ARHGAP12: variants seen among roughly 807,000 people sequenced by gnomAD.
The protein encoded by ARHGAP12 is Rho GTPase activating protein 12, also known as rho GTPase-activating protein 12.
ARHGAP12 carries 64 observed loss-of-function variants against 108.6 expected under a neutral mutation model. The observed-to-expected ratio is 0.59, with a 90% CI of 0.48 to 0.73. The LOEUF is 0.73. Ranked by LOEUF, ARHGAP12 falls within the 30% of genes least tolerant of loss-of-function variation. The pLI is 0.00. For synonymous variants in ARHGAP12, 312 were observed against 337.2 expected, an observed-to-expected ratio of 0.93 and a Z score of 0.82; for missense variants, 940 against 1,005.9, an observed-to-expected ratio of 0.93 and a Z score of 0.89.
rs767732070 is a variant in ARHGAP12, at chr10:31,826,276, A to T, written c.1530+28T>A. ...TACTATTCACATAATTTAAATGTAT[A>T]AAATCTCCAAAGAGAAGAAATACTT... On this transcript the variant is annotated intron_variant, in intron 11 of 19. Transcript: ENST00000344936. 6 of 1,558,276 alleles carry T rather than the reference A, an allele frequency of 3.9e-6. No homozygotes were observed. In the Admixed American group the frequency reaches 7.1e-5, roughly 18 times the overall value.
At chr10:31,828,191 C>CT (rs892764636) in intron 10 of ARHGAP12, among the ~76,000 whole-genome samples, 98 of 146,432 alleles carry the variant, frequency 6.7e-4, no homozygotes, top group African/African-American at 2.0e-3. Context: ...TCTTGCTTTA[C>CT]TTTCTATACC....
chr10:31,854,804 T>C (rs1836823744), intron 4 of ARHGAP12, among the ~76,000 whole-genome samples: 1 of 151,160 alleles, frequency 6.6e-6, no homozygotes, highest in African/African-American at 2.4e-5. Context: ...TCAAACACAA[T>C]ACAGAAAGAC....
At chr10:31,853,271 A>G (rs1160376772) in intron 5 of ARHGAP12, among the ~76,000 whole-genome samples, 2 of 152,220 alleles carry the variant, frequency 1.3e-5, no homozygotes, top group African/African-American at 4.8e-5. Flanking sequence ...AATGTTTTTC[A>G]ATTAAATGTA....
At chr10:31,894,123 A>G (rs1324056128) in intron 3 of ARHGAP12, among the ~76,000 whole-genome samples, 1 of 152,218 alleles carries the variant, frequency 6.6e-6, no homozygotes, top group Non-Finnish European at 1.5e-5. Flanking sequence ...TATCTATGAC[A>G]AACCCACAGC....
intron 10 of ARHGAP12, 83 bp from the exon 11 acceptor site, chr10:31,826,468 T>G: frequency 2.0e-6 from 2 of 978,704 alleles, no homozygotes; most frequent in Non-Finnish European, 3.1e-6. Context: ...TACTTAGCTC[T>G]TATCAATGTT....
intron 3 of ARHGAP12, among the ~76,000 whole-genome samples, chr10:31,893,432 G>A (rs1320685708): frequency 6.6e-6 from 1 of 152,188 alleles, no homozygotes; most frequent in African/African-American, 2.4e-5. Flanking sequence ...CGATCCCACA[G>A]AAATACAAAC....
chr10:31,826,210 T>C, intron 11 of ARHGAP12, 94 bp downstream of exon 11: 2 of 957,960 alleles, frequency 2.1e-6, no homozygotes, highest in Non-Finnish European at 3.1e-6. Flanking sequence ...TAGCTATAAC[T>C]ATAAGGACTC....
intron 7 of ARHGAP12, among the ~76,000 whole-genome samples, chr10:31,840,410 A>G (rs1028038751): frequency 5.5e-4 from 84 of 152,086 alleles, no homozygotes; most frequent in African/African-American, 1.8e-3. Context: ...TATGATTTCT[A>G]TTACAGATGT....
rs531104916 is a variant in ARHGAP12, at chr10:31,848,507, A to G, written c.1170+4010T>C. Among the ~76,000 whole-genome samples, 45 of 152,288 alleles carry G rather than the reference A, an allele frequency of 3.0e-4. No homozygotes were observed. The South Asian group carries it at 6.4e-3, about 22-fold the overall frequency. ...TCTCTTCTTTTGGAATTCCTAATAC[A>G]TGAATATAGAAAACTTTCAACTCAT... On this transcript the variant is annotated intron_variant, in intron 6 of 19. Coordinates refer to ENST00000344936, the MANE Select transcript of ARHGAP12 (RefSeq NM_018287.7).
In ARHGAP12 at chr10:31,908,404, T is replaced by C; in HGVS notation, c.452A>G (p.Asp151Gly). 1 of 1,614,180 alleles carries C rather than the reference T, an allele frequency of 6.2e-7. No homozygotes were observed. Among genetic ancestry groups the C allele is most frequent in the South Asian group, 1.1e-5 (1 of 91,082 alleles). Residue 151 changes from aspartate to glycine, a missense_variant, in exon 3 of 20, where the codon GAC becomes GGC. Transcript: ENST00000344936. ...NQGQTVNLSL[D>G]LTHNNGKFNN... ...AAACTTTCCGTTATTATGGGTCAGG[T>C]CCAGGCTTAGGTTGACAGTCTGACC...
At chr10:31,830,821 T>C (rs1335717012) in intron 10 of ARHGAP12, among the ~76,000 whole-genome samples, 1 of 152,172 alleles carries the variant, frequency 6.6e-6, no homozygotes, top group Non-Finnish European at 1.5e-5. Flanking sequence ...CTGTAACCTA[T>C]TAAAAAGGAA....
intron 18 of ARHGAP12, 112 bp downstream of exon 18, chr10:31,808,882 A>C: frequency 7.3e-7 from 1 of 1,378,548 alleles, no homozygotes; most frequent in Non-Finnish European, 1.0e-6. Flanking sequence ...GTTTGGAGTA[A>C]AACAATCTGT....
At chr10:31,820,286 A>T in intron 12 of ARHGAP12, 101 bp downstream of exon 12, 1 of 864,314 alleles carries the variant, frequency 1.2e-6, no homozygotes, top group Non-Finnish European at 1.7e-6. Flanking sequence ...ACTTTGCCTT[A>T]ACTAGTCACA....
At chr10:31,829,588 C>T (rs1835755907) in intron 10 of ARHGAP12, among the ~76,000 whole-genome samples, 1 of 150,470 alleles carries the variant, frequency 6.6e-6, no homozygotes, top group African/African-American at 2.5e-5. Context: ...TCTGACAGTA[C>T]TGATGTATGA....
At chr10:31,915,097 G>C (rs1199729143) in intron 1 of ARHGAP12, among the ~76,000 whole-genome samples, 4 of 151,894 alleles carry the variant, frequency 2.6e-5, no homozygotes, top group Middle Eastern at 6.3e-3. Flanking sequence ...TGATCTCTTA[G>C]AAGCTGAGGC....
At chr10:31,820,828 T>G (rs1017222816) in intron 11 of ARHGAP12, among the ~76,000 whole-genome samples, 1 of 151,512 alleles carries the variant, frequency 6.6e-6, no homozygotes, top group Non-Finnish European at 1.5e-5. Context: ...AAAGGCCTCA[T>G]ATGCAAGTGG....
At chr10:31,928,479 C>A (rs1035091535) in intron 1 of ARHGAP12, among the ~76,000 whole-genome samples, 1 of 151,312 alleles carries the variant, frequency 6.6e-6, no homozygotes, top group Admixed American at 6.6e-5. Context: ...GCGCCTAACC[C>A]CCGCGCCCAG....
chr10:31,923,167 A>C (rs1211780349), intron 1 of ARHGAP12, among the ~76,000 whole-genome samples: 3 of 151,632 alleles, frequency 2.0e-5, no homozygotes, highest in Non-Finnish European at 4.4e-5. Context: ...CAAAATATTT[A>C]AACAGACTTG....
At chr10:31,873,280 C>T (rs1837608101) in intron 3 of ARHGAP12, among the ~76,000 whole-genome samples, 1 of 152,138 alleles carries the variant, frequency 6.6e-6, no homozygotes, top group Admixed American at 6.5e-5. Context: ...CATCTCAATT[C>T]AGGTCCTAAA....
Sources: gnomAD v4.1 joint callset for allele counts (sites outside exome capture counted in the v4.1 genomes callset) on GRCh38, gnomAD v4.1.1 for gene constraint, MANE v1.5 for transcripts, NCBI Gene and HGNC (gene_info 2026-07-23, HGNC 2026-07-21) for gene names.